The following EHMT1 variants were observed in gnomAD, a reference collection of about 807,000 sequenced individuals.
The protein encoded by EHMT1 is histone-lysine N-methyltransferase EHMT1.
A neutral mutation model predicts 147.2 loss-of-function variants in EHMT1; 15 were observed. The ratio of observed to expected loss-of-function variants is 0.10; its 90% confidence interval spans 0.07 to 0.16. The LOEUF is 0.16. EHMT1 is among the 10% of genes least tolerant of loss of function. EHMT1 has a pLI of 1.00. For missense variants in EHMT1, 1,587 were observed against 1,772.4 expected (o/e 0.90, Z 1.88); for synonymous variants, 795 against 709.6 (o/e 1.12, Z -1.91).
At chr9:137,796,316 A>G (rs1952940735) in intron 16 of EHMT1, among the ~76,000 whole-genome samples, 1 of 152,258 alleles carries the variant, frequency 6.6e-6, no homozygotes, top group South Asian at 2.1e-4. Context: ...ATTTCTCTTC[A>G]AAAAGGTGTC....
intron 16 of EHMT1, among the ~76,000 whole-genome samples, chr9:137,796,329 A>C (rs1952942141): frequency 6.6e-6 from 1 of 152,254 alleles, no homozygotes; most frequent in Non-Finnish European, 1.5e-5. Flanking sequence ...AAGGTGTCAC[A>C]AAGGACACGA....
intron 1 of EHMT1, among the ~76,000 whole-genome samples, chr9:137,636,016 GGTTCA>G: frequency 6.6e-6 from 1 of 151,426 alleles, no homozygotes; most frequent in East Asian, 2.0e-4. Flanking sequence ...CCGCCTCCTG[GGTTCA>G]AGCAGTTCTC....
At chr9:137,621,156 G>C (rs1842922308) in intron 1 of EHMT1, among the ~76,000 whole-genome samples, 1 of 152,132 alleles carries the variant, frequency 6.6e-6, no homozygotes. Context: ...TTTTTAGATT[G>C]ATAATTCTAA....
At chr9:137,675,769 C>T (rs1941213436) in intron 1 of EHMT1, among the ~76,000 whole-genome samples, 1 of 142,790 alleles carries the variant, frequency 7.0e-6, no homozygotes, top group Non-Finnish European at 1.5e-5. Flanking sequence ...GCACCAACCA[C>T]GCCCGGCTAA....
chr9:137,637,060 G>A (rs1167130962), intron 1 of EHMT1, among the ~76,000 whole-genome samples: 1 of 151,536 alleles, frequency 6.6e-6, no homozygotes, highest in Non-Finnish European at 1.5e-5. Flanking sequence ...ACCACGCCTG[G>A]CTATTTTTTT....
At chr9:137,829,257 T>G (rs1956034100) in intron 25 of EHMT1, among the ~76,000 whole-genome samples, 1 of 152,232 alleles carries the variant, frequency 6.6e-6, no homozygotes, top group Admixed American at 6.5e-5. Flanking sequence ...GAAAAATGTT[T>G]TACTTCTCTG....
chr9:137,730,969 A>G (rs1947058585), intron 4 of EHMT1, among the ~76,000 whole-genome samples: 1 of 152,244 alleles, frequency 6.6e-6, no homozygotes, highest in Non-Finnish European at 1.5e-5. Flanking sequence ...GTTTTGCAAA[A>G]CTATGGAGTT....
Position 137,763,617 on chromosome 9 carries a change from C to T in EHMT1, c.1647+797C>T, listed in dbSNP as rs1215090631. On this transcript the variant is annotated intron_variant, in intron 10 of 26. Transcript: ENST00000460843. ...TGGTCTTATTGGCCAGCGGATCCATCTTCAGCTCGATTATTGCGTCTTAGC... is the reference window on the plus strand; with the variant it reads ...TGGTCTTATTGGCCAGCGGATCCATTTTCAGCTCGATTATTGCGTCTTAGC... 1.9e-5 allele frequency: 3 copies of T among 154,764 alleles called. No homozygotes were observed. The East Asian group carries it at 5.7e-4, about 30-fold the overall frequency. The allele number at this position is 154,764 out of a possible 1,614,324, so 9.6% of individuals were successfully genotyped here. A position where few individuals can be genotyped will look rare whatever the true frequency, so the allele number is the denominator to read the frequency against.
chr9:137,722,176 A>T (rs1946125865), intron 3 of EHMT1, among the ~76,000 whole-genome samples: 1 of 152,002 alleles, frequency 6.6e-6, no homozygotes, highest in Non-Finnish European at 1.5e-5. Flanking sequence ...TTACAGTCCT[A>T]CTTCCAGGAT....
intron 4 of EHMT1, among the ~76,000 whole-genome samples, chr9:137,730,404 C>T (rs1235600913): frequency 6.6e-6 from 1 of 151,996 alleles, no homozygotes. Context: ...GGAGGTGCTT[C>T]ACTTTCCTGT....
chr9:137,803,079 G>A lies in EHMT1; in HGVS notation c.2712+2095G>A, dbSNP rs377318643. The A allele has an allele frequency of 1.6e-5, 20 of 1,230,092 alleles. No individual in the cohort carries two copies. In the South Asian group the frequency reaches 5.5e-4, roughly 34 times the overall value. The allele number at this position is 1,230,092 out of a possible 1,614,324, so 76.2% of individuals were successfully genotyped here. On this transcript the variant is annotated intron_variant, in intron 18 of 26. Transcript: ENST00000460843. Reference sequence around the variant, plus strand: ...GAAGGCGGCCCTAGTGTGGCTGGTCGGCCTGCATGCCTGGGCAGTTTGCAG... The same window carrying A: ...GAAGGCGGCCCTAGTGTGGCTGGTCAGCCTGCATGCCTGGGCAGTTTGCAG...
In EHMT1 at chr9:137,813,252, T is replaced by A; in HGVS notation, c.3035+79T>A. The A allele has an allele frequency of 6.4e-7, 1 of 1,571,374 alleles. No homozygotes were observed. The highest frequency in any genetic ancestry group is 2.3e-5 in the East Asian group (1 of 43,586). ...GGGAACTTGCGGTGAAAGCTGCTCC[T>A]GAAGCCGAAACATCCCCAGGCTGCA... On this transcript the variant is annotated intron_variant, in intron 20 of 26. Coordinates refer to ENST00000460843, the MANE Select transcript of EHMT1 (RefSeq NM_024757.5). This position sits in a 1 kb window ranked among gnomAD's most constrained non-coding sequence, Gnocchi z 4.9.
intron 1 of EHMT1, among the ~76,000 whole-genome samples, chr9:137,662,345 A>G (rs756880499): frequency 2.4e-4 from 37 of 151,568 alleles, no homozygotes; most frequent in Admixed American, 3.9e-4. Flanking sequence ...CTACAGGCAC[A>G]TGCCACAATC....
chr9:137,804,180 C>T (rs75658641), intron 18 of EHMT1, among the ~76,000 whole-genome samples: 2,615 of 152,238 alleles, frequency 0.017, 76 homozygotes, highest in Non-Finnish European at 0.017. Flanking sequence ...CAGGTCCCTC[C>T]CTTGACACAT....
At chr9:137,699,558 C>G (rs1943667142) in intron 1 of EHMT1, among the ~76,000 whole-genome samples, 1 of 152,086 alleles carries the variant, frequency 6.6e-6, no homozygotes, top group African/African-American at 2.4e-5. Context: ...GCCTATAATC[C>G]CAGCTACTTG....
chr9:137,647,695 A>C (rs1277848498), intron 1 of EHMT1, among the ~76,000 whole-genome samples: 1 of 148,422 alleles, frequency 6.7e-6, no homozygotes, highest in Non-Finnish European at 1.5e-5. Flanking sequence ...CCCAGGTTCC[A>C]GTGATTCTCC....
intron 4 of EHMT1, chr9:137,738,680 G>C (rs1308192910): frequency 6.6e-6 from 1 of 152,170 alleles, no homozygotes; most frequent in Non-Finnish European, 1.5e-5. Flanking sequence ...GCAAAGTGTC[G>C]TGTGCAAAAC....
intron 4 of EHMT1, chr9:137,742,927 C>CT: frequency 3.9e-6 from 1 of 255,286 alleles, no homozygotes; most frequent in Non-Finnish European, 7.6e-6. Flanking sequence ...AGGCTGGGCT[C>CT]TTCCTGCTCC....
At chr9:137,777,215 T>C (rs1951027090) in intron 12 of EHMT1, 1 of 273,778 alleles carries the variant, frequency 3.7e-6, no homozygotes, top group Admixed American at 5.0e-5. Context: ...AGGCCTTAGC[T>C]GAAGACAAAA....
Sources: gnomAD v4.1 joint callset for allele counts (sites outside exome capture counted in the v4.1 genomes callset) on GRCh38, gnomAD v4.1.1 for gene constraint, Gnocchi (gnomAD v3.1) non-coding constraint, MANE v1.5 for transcripts, NCBI Gene and HGNC (gene_info 2026-07-23, HGNC 2026-07-21) for gene names.